FOXP4: variants seen among roughly 807,000 people sequenced by gnomAD.
FOXP4 encodes forkhead box protein P4.
In FOXP4, 25 loss-of-function variants were observed where a neutral mutation model predicts 82.6. The observed-to-expected ratio is 0.30, with a 90% CI of 0.22 to 0.42. FOXP4 has a LOEUF of 0.42. FOXP4 is among the 10% of genes least tolerant of loss of function. The pLI is 1.00. For missense variants in FOXP4, 785 were observed against 900.9 expected (o/e 0.87, Z 1.65); for synonymous variants, 415 against 388.2 (o/e 1.07, Z -0.81).
intron 3 of FOXP4, among the ~76,000 whole-genome samples, chr6:41,582,306 C>T (rs80159647): frequency 0.016 from 2,402 of 152,248 alleles, 73 homozygotes; most frequent in African/African-American, 0.055. Context: ...ACAGGGTTGC[C>T]GTGAAGATTC....
intron 3 of FOXP4, among the ~76,000 whole-genome samples, chr6:41,583,586 T>C (rs1301840290): frequency 1.3e-5 from 2 of 152,168 alleles, no homozygotes; most frequent in Non-Finnish European, 2.9e-5. Flanking sequence ...ACACTTAGTG[T>C]ACCTACCATG....
At chr6:41,566,792 C>T (rs1021677810) in intron 2 of FOXP4, among the ~76,000 whole-genome samples, 12 of 152,162 alleles carry the variant, frequency 7.9e-5, no homozygotes, top group Admixed American at 5.2e-4. Flanking sequence ...CTGGTGGTGC[C>T]GGCCCTTGAG....
At chr6:41,559,765 G>T (rs1032087766) in intron 1 of FOXP4, among the ~76,000 whole-genome samples, 6 of 152,182 alleles carry the variant, frequency 3.9e-5, no homozygotes, top group Non-Finnish European at 7.3e-5. Flanking sequence ...ACTAAAGTTA[G>T]TGTTCATCAT....
intron 1 of FOXP4, among the ~76,000 whole-genome samples, chr6:41,560,601 C>T (rs1188162698): frequency 6.6e-6 from 1 of 152,252 alleles, no homozygotes; most frequent in Non-Finnish European, 1.5e-5. Context: ...CTCTCTCCCT[C>T]CCCCGCGGGT....
chr6:41,598,791 A>G lies in FOXP4; in HGVS notation c.1898A>G (p.His633Arg), dbSNP rs1482599695. 4.5e-6 allele frequency: 7 copies of G among 1,558,502 alleles called. No homozygotes were observed. The South Asian group carries it at 5.9e-5, about 13-fold the overall frequency. The change falls in exon 17 of 17, where the codon CAC becomes CGC. Residue 633 changes from histidine to arginine, a missense_variant and splice_region_variant. Around this residue, in one of 3 missense-constraint regions of FOXP4, gnomAD observed 184 missense variants for 187.3 expected, o/e 0.98. Transcript: ENST00000307972. Reference sequence around the variant, plus strand: ...CCCATGCCATACTTTTGCCTCAGCCACCAGGTGCAGGTGAAGGAGGAGCCA... The same window carrying G: ...CCCATGCCATACTTTTGCCTCAGCCGCCAGGTGCAGGTGAAGGAGGAGCCA... ...PPRLSPPQYS[H>R]QVQVKEEPAE... is the part of the protein sequence containing the mutation.
At chr6:41,564,517 C>T (rs1279272352) in intron 1 of FOXP4, among the ~76,000 whole-genome samples, 1 of 152,220 alleles carries the variant, frequency 6.6e-6, no homozygotes, top group Non-Finnish European at 1.5e-5. Context: ...CTCCTCCTTA[C>T]TGTCCTGACC....
intron 1 of FOXP4, among the ~76,000 whole-genome samples, chr6:41,561,296 A>G (rs1764565039): frequency 6.7e-6 from 1 of 150,180 alleles, no homozygotes; most frequent in South Asian, 2.1e-4. Flanking sequence ...TGGACCTGCC[A>G]AAATAACTCG....
chr6:41,566,624 A>C (rs1469334204), intron 2 of FOXP4, among the ~76,000 whole-genome samples: 2 of 152,174 alleles, frequency 1.3e-5, no homozygotes, highest in Admixed American at 1.3e-4. Flanking sequence ...ATGGGTCTAG[A>C]TCTGGTTGGG....
intron 1 of FOXP4, among the ~76,000 whole-genome samples, chr6:41,549,036 G>A (rs1314573144): frequency 1.3e-5 from 2 of 152,070 alleles, no homozygotes; most frequent in African/African-American, 4.8e-5. Context: ...GGTGGCAAGG[G>A]GAAGAGGTGG....
At chr6:41,573,429 A>G (rs1267475583) in intron 2 of FOXP4, among the ~76,000 whole-genome samples, 1 of 152,110 alleles carries the variant, frequency 6.6e-6, no homozygotes, top group Non-Finnish European at 1.5e-5. Context: ...CATCCGTTAT[A>G]AGCCATTTGT....
intron 2 of FOXP4, among the ~76,000 whole-genome samples, chr6:41,574,463 G>T (rs1222212337): frequency 6.6e-6 from 1 of 152,216 alleles, no homozygotes; most frequent in Non-Finnish European, 1.5e-5. Context: ...CAAGGCAAAT[G>T]TTAGCTGTTA....
rs188031202 is a variant in FOXP4, at chr6:41,591,034, C to T, written c.1435-187C>T. Among the ~76,000 whole-genome samples, 1 of 152,332 alleles carries T rather than the reference C, an allele frequency of 6.6e-6. No homozygotes were observed. The highest frequency in any genetic ancestry group is 2.4e-5 in the African/African-American group (1 of 41,570). ...CTCTTTATCCTTGGCCAAGCTATAA[C>T]CAGCCTGTCCCTCTGAGGGGACCCA... On this transcript the variant is annotated intron_variant, in intron 12 of 16. Coordinates refer to ENST00000307972, the MANE Select transcript of FOXP4 (RefSeq NM_001012426.2). This position sits in a 1 kb window ranked among gnomAD's most constrained non-coding sequence, Gnocchi z 4.2.
In FOXP4 at chr6:41,578,105, G is replaced by T. The variant is rs200593493; in HGVS notation, c.300+24G>T. The T allele has an allele frequency of 1.8e-4, 286 of 1,602,372 alleles. No individual in the cohort carries two copies. The African/African-American group carries it at 3.1e-3, about 18-fold the overall frequency. ...AGGTGAGGAAGAGAGCACCCCGCTG[G>T]CTCTGGGTTGGGCTGGAGTGTGGGC... On this transcript the variant is annotated intron_variant, in intron 3 of 16. Transcript: ENST00000307972.
chr6:41,587,677 G>A, intron 7 of FOXP4, 116 bp from the exon 8 acceptor site: 1 of 919,698 alleles, frequency 1.1e-6, no homozygotes, highest in Non-Finnish European at 1.7e-6. Flanking sequence ...CTTGGCCGCT[G>A]GGAAACCTGT....
At position 41,590,166 on chromosome 6, in the gene FOXP4, C is replaced by T. The variant is rs1766419986; in HGVS notation, c.1353C>T (p.Ser451=). Residue 451 remains serine, a synonymous_variant, in exon 11 of 17, where the codon TCC becomes TCT. Coordinates refer to ENST00000307972, the MANE Select transcript of FOXP4 (RefSeq NM_001012426.2). ...RSSDKFCSPI[S]SELAQNHEFY... is the part of the protein sequence containing the mutation. ...GTGACAAGTTCTGCTCCCCCATCTC[C>T]TCAGGTGAGGGTGGGCTGGGGGCTG... The T allele has an allele frequency of 3.1e-6, 5 of 1,605,710 alleles. No homozygotes were observed. Among genetic ancestry groups the T allele is most frequent in the Non-Finnish European group, 4.3e-6 (5 of 1,174,204 alleles).
chr6:41,548,314 G>T (rs1195925601), intron 1 of FOXP4: 2 of 152,254 alleles, frequency 1.3e-5, no homozygotes, highest in African/African-American at 4.8e-5. Flanking sequence ...ACCCGAGCCT[G>T]AAGTTGCCAT....
intron 2 of FOXP4, among the ~76,000 whole-genome samples, chr6:41,570,576 C>G (rs1025250421): frequency 1.3e-5 from 2 of 152,154 alleles, no homozygotes; most frequent in East Asian, 3.9e-4. Flanking sequence ...GAGGAGGGAT[C>G]TGCAGACCCC....
chr6:41,572,193 G>A (rs768004469), intron 2 of FOXP4, among the ~76,000 whole-genome samples: 8 of 152,032 alleles, frequency 5.3e-5, no homozygotes, highest in South Asian at 2.1e-4. Flanking sequence ...CTTTTCCCAC[G>A]GCAGGGCCTC....
intron 1 of FOXP4, among the ~76,000 whole-genome samples, chr6:41,555,442 A>AG (rs891554256): frequency 3.3e-5 from 5 of 152,156 alleles, no homozygotes; most frequent in African/African-American, 9.7e-5. Context: ...AAATGAAGGG[A>AG]GGGGCCAAGG....
Sources: gnomAD v4.1 joint callset for allele counts (sites outside exome capture counted in the v4.1 genomes callset) on GRCh38, gnomAD v4.1.1 for gene constraint, gnomAD v4.1.1 regional missense constraint, Gnocchi (gnomAD v3.1) non-coding constraint, MANE v1.5 for transcripts, NCBI Gene and HGNC (gene_info 2026-07-23, HGNC 2026-07-21) for gene names.